Variants in POMT2 observed in about 807,000 individuals in gnomAD.
POMT2 encodes the protein protein O-mannosyl-transferase 2.
Under a neutral mutation model 100.0 loss-of-function variants are expected in POMT2, and 75 were observed. The ratio of observed to expected loss-of-function variants is 0.75; its 90% CI spans 0.62 to 0.91. The LOEUF (loss-of-function observed/expected upper bound fraction) is 0.91, where lower values mean the gene tolerates loss of function less well. Ranked by LOEUF, POMT2 falls within the 40% of genes least tolerant of loss-of-function variation. The probability of loss-of-function intolerance (pLI) is 0.00; values close to 1 mark genes in which losing one functional copy is unlikely to be tolerated. For synonymous variants in POMT2, 378 were observed against 374.1 expected (o/e 1.01, Z -0.12); for missense variants, 940 against 955.1 (o/e 0.98, Z 0.21).
chr14:77,305,930 GA>G (rs1336806394), intron 3 of POMT2, among the ~76,000 whole-genome samples: 1 of 152,220 alleles, frequency 6.6e-6, no homozygotes, highest in Non-Finnish European at 1.5e-5. Context: ...AAAAGGCTCT[GA>G]GATGTAGGCA....
intron 18 of POMT2, chr14:77,279,432 A>G: frequency 4.5e-6 from 2 of 441,088 alleles, no homozygotes; most frequent in Non-Finnish European, 8.9e-6. Flanking sequence ...GCCATGGAAC[A>G]AGGAGGTGGC....
At position 77,319,658 on chromosome 14, in the gene POMT2, G is replaced by A. The variant is rs147479430; in HGVS notation, c.248+776C>T. On this transcript the variant is annotated intron_variant, in intron 1 of 20. Transcript: ENST00000261534. Reference sequence around the variant, plus strand: ...CACTTGGATGCAACCCACTGCCTGTGCAGTCATCCATTTAAACCCATAGCG... The same window carrying A: ...CACTTGGATGCAACCCACTGCCTGTACAGTCATCCATTTAAACCCATAGCG... 1,182 of 152,346 alleles carry A rather than the reference G, an allele frequency of 7.8e-3. 13 individuals carry two copies. Among genetic ancestry groups the A allele is most frequent in the Non-Finnish European group, 9.2e-3 (629 of 68,048 alleles). 9.4% of individuals were successfully genotyped at this position (152,346 alleles called of 1,614,324 possible).
chr14:77,299,756 T>C (rs894195449), intron 6 of POMT2, 195 bp from the exon 7 acceptor site: 7 of 560,216 alleles, frequency 1.2e-5, no homozygotes, highest in Non-Finnish European at 2.3e-5. Flanking sequence ...AAGATAAACA[T>C]GGGCCAGCCC....
intron 9 of POMT2, among the ~76,000 whole-genome samples, chr14:77,295,360 C>T (rs10143655): frequency 0.1 from 15,721 of 152,110 alleles, 1,615 homozygotes; most frequent in African/African-American, 0.27. Context: ...AGGCTGGGCG[C>T]GGTGGCTCAT....
rs777960032 is a variant in POMT2 at position 77,304,809 on chromosome 14, G to A, written c.439-9C>T. ...CCAAGGAATGCACAGAACTGTGGGA[G>A]GAATAGAGAAGCTGTCAAATAACAA... is the stretch of plus-strand genomic sequence containing the variant. On this transcript the variant is annotated splice_polypyrimidine_tract_variant and intron_variant, in intron 3 of 20. Transcript: ENST00000261534. The A allele has an allele frequency of 5.1e-6, 8 of 1,577,430 alleles. No individual in the cohort carries two copies. The East Asian group carries it at 1.8e-4, about 36-fold the overall frequency.
chr14:77,283,361 TGAA>T (rs1380820443), intron 15 of POMT2, among the ~76,000 whole-genome samples: 3 of 152,124 alleles, frequency 2.0e-5, no homozygotes, highest in Admixed American at 6.6e-5. Context: ...CACTTAGAGG[TGAA>T]GGAGTGTAGT....
chr14:77,284,266 AGCT>A (rs1228949354), intron 14 of POMT2: 2 of 312,208 alleles, frequency 6.4e-6, no homozygotes, highest in East Asian at 1.6e-4. Context: ...CGCCTGGAGC[AGCT>A]GCTGTCGGGA....
At chr14:77,306,787 G>A (rs752912651) in intron 2 of POMT2, 17 of 327,616 alleles carry the variant, frequency 5.2e-5, no homozygotes, top group Admixed American at 2.1e-4. Context: ...AATAAAACAC[G>A]GCAGCTCTTG....
At chr14:77,309,576 G>A (rs1363503965) in intron 2 of POMT2, among the ~76,000 whole-genome samples, 2 of 152,198 alleles carry the variant, frequency 1.3e-5, no homozygotes, top group African/African-American at 4.8e-5. Context: ...TAGGGGTGCA[G>A]ATGGGCCGCA....
rs146588608 is a variant in POMT2, at chr14:77,279,833, C to T, written c.1881G>A (p.Ala627=). 4,280 of 1,613,352 alleles carry T rather than the reference C, an allele frequency of 2.7e-3. 11 individuals carry two copies. Among genetic ancestry groups the T allele is most frequent in the South Asian group, 6.4e-3 (584 of 91,004 alleles). ...CCCAGAGGACCTGACCTGCAACCTCCGCTGGCAGCCGTGCCCCTCTCTGCA... is the reference window on the plus strand; with the variant it reads ...CCCAGAGGACCTGACCTGCAACCTCTGCTGGCAGCCGTGCCCCTCTCTGCA... ...VAMQRGARLP[A]EVAGLSQVLL... Residue 627 remains alanine (A), a synonymous_variant, in exon 18 of 21, where the codon GCG becomes GCA. Transcript: ENST00000261534.
chr14:77,318,726 T>C (rs1041400337), intron 1 of POMT2, among the ~76,000 whole-genome samples: 59 of 145,560 alleles, frequency 4.1e-4, no homozygotes, highest in Non-Finnish European at 6.8e-4. Context: ...CCATTAATCA[T>C]GGTAGTTAAT....
At chr14:77,289,184 A>G (rs1890553074) in intron 10 of POMT2, among the ~76,000 whole-genome samples, 2 of 152,048 alleles carry the variant, frequency 1.3e-5, no homozygotes, top group East Asian at 3.9e-4. Context: ...TGAGGCCAGG[A>G]ATTCGAGACA....
intron 1 of POMT2, chr14:77,320,217 C>T: frequency 1.4e-6 from 1 of 740,084 alleles, no homozygotes; most frequent in South Asian, 1.7e-5. Context: ...GCTGCTTCCT[C>T]AGATACTAAG....
intron 2 of POMT2, among the ~76,000 whole-genome samples, chr14:77,308,993 C>T (rs1005954477): frequency 1.7e-4 from 26 of 152,108 alleles, no homozygotes; most frequent in Admixed American, 1.7e-3. Context: ...GAATGACACA[C>T]GGCCATTAAA....
chr14:77,304,600 C>T, intron 4 of POMT2, 92 bp downstream of exon 4: 1 of 1,533,222 alleles, frequency 6.5e-7, no homozygotes, highest in South Asian at 1.2e-5. Flanking sequence ...ACTGGACCCA[C>T]ATATAGGGCC....
intron 11 of POMT2, chr14:77,287,160 G>A (rs1890453745): frequency 8.7e-6 from 3 of 345,834 alleles, no homozygotes; most frequent in Admixed American, 8.3e-5. Flanking sequence ...TAGGAGGCAG[G>A]TTTGAGGAGA....
At chr14:77,278,319 G>C (rs939841314) in intron 20 of POMT2, 75 bp downstream of exon 20, 3 of 1,207,734 alleles carry the variant, frequency 2.5e-6, no homozygotes, top group Non-Finnish European at 3.6e-6. Flanking sequence ...CACCGCAGGG[G>C]ATTCTCGAAT....
chr14:77,277,203 T>C lies in POMT2; in HGVS notation c.*173A>G. ...GACGGAGCTGCGGCTCTCTCCCGGC[T>C]CTCTCCAATGCTGGGTTCCATTCCA... On this transcript the variant is annotated 3_prime_UTR_variant, in exon 21 of 21. Coordinates refer to ENST00000261534, the MANE Select transcript of POMT2 (RefSeq NM_013382.7). 1.5e-6 allele frequency: 1 copy of C among 650,902 alleles called. No individual in the cohort carries two copies. The highest frequency in any genetic ancestry group is 1.7e-5 in the South Asian group (1 of 58,448). 40.3% of individuals were successfully genotyped at this position (650,902 alleles called of 1,614,324 possible).
chr14:77,304,513 A>G (rs1251961261), intron 4 of POMT2, among the ~76,000 whole-genome samples, 179 bp downstream of exon 4: 5 of 152,256 alleles, frequency 3.3e-5, no homozygotes, highest in Admixed American at 2.0e-4. Context: ...CTTGTTATAT[A>G]TAACTATTGA....
Sources: gnomAD v4.1 joint callset for allele counts (sites outside exome capture counted in the v4.1 genomes callset) on GRCh38, gnomAD v4.1.1 for gene constraint, MANE v1.5 for transcripts, NCBI Gene and HGNC (gene_info 2026-07-23, HGNC 2026-07-21) for gene names.